Variants in SV2C observed in about 807,000 individuals in gnomAD.
SV2C encodes the protein solute carrier family 22 member B3.
SV2C carries 49 observed loss-of-function variants against 79.7 expected under a neutral mutation model. That is an observed-to-expected ratio of 0.61 (90% CI 0.49 to 0.78). SV2C has a LOEUF of 0.78. Ranked by LOEUF, SV2C falls within the 30% of genes least tolerant of loss-of-function variation. The probability of loss-of-function intolerance (pLI) is 0.00; values close to 1 mark genes in which losing one functional copy is unlikely to be tolerated. For missense variants in SV2C, 833 were observed against 912.9 expected (o/e 0.91, Z 1.13); for synonymous variants, 334 against 333.2 (o/e 1.00, Z -0.03).
At chr5:76,288,077 C>G (rs1321820927) in intron 6 of SV2C, among the ~76,000 whole-genome samples, 1 of 145,264 alleles carries the variant, frequency 6.9e-6, no homozygotes, top group African/African-American at 2.6e-5. Context: ...GAGCACGACT[C>G]CATCTCAAAA....
chr5:76,161,167 T>G (rs1412617617), intron 2 of SV2C, among the ~76,000 whole-genome samples: 1 of 151,928 alleles, frequency 6.6e-6, no homozygotes, highest in Non-Finnish European at 1.5e-5. Context: ...ATGTACACAG[T>G]GGGATATTAC....
chr5:76,050,546 C>T, the SV2C span, among the ~76,000 whole-genome samples: 1 of 152,124 alleles, frequency 6.6e-6, no homozygotes, highest in Non-Finnish European at 1.5e-5. Context: ...CTCATTTGTT[C>T]CTTAGTAATT....
chr5:76,096,700 G>A (rs182647530), intron 1 of SV2C, among the ~76,000 whole-genome samples: 3 of 152,174 alleles, frequency 2.0e-5, no homozygotes, highest in Admixed American at 1.3e-4. Context: ...ATTATTTCTG[G>A]GTTTGTCTGT....
At chr5:76,024,486 GTTAT>G in the SV2C span, among the ~76,000 whole-genome samples, 2 of 152,004 alleles carry the variant, frequency 1.3e-5, no homozygotes, top group South Asian at 2.1e-4. Context: ...CTTTTTATGG[GTTAT>G]TTGTGTTTTT....
chr5:76,341,777 G>A (rs1241780079), intron 12 of SV2C, among the ~76,000 whole-genome samples: 3 of 124,076 alleles, frequency 2.4e-5, no homozygotes, highest in African/African-American at 9.0e-5. Context: ...GCTCCTGGAG[G>A]CAGATCTACA....
At chr5:76,181,098 T>TG (rs1743705663) in intron 2 of SV2C, among the ~76,000 whole-genome samples, 2 of 151,930 alleles carry the variant, frequency 1.3e-5, no homozygotes, top group Non-Finnish European at 2.9e-5. Context: ...CTCTCAGCCA[T>TG]CCCCCTACCT....
chr5:76,188,357 T>C (rs1184405178), intron 2 of SV2C, among the ~76,000 whole-genome samples: 1 of 152,196 alleles, frequency 6.6e-6, no homozygotes, highest in Non-Finnish European at 1.5e-5. Flanking sequence ...CCCTGTGAAG[T>C]AGGTACTGTT....
the SV2C span, among the ~76,000 whole-genome samples, chr5:75,848,647 T>C: frequency 6.6e-6 from 1 of 152,184 alleles, no homozygotes; most frequent in Admixed American, 6.5e-5. Flanking sequence ...TTGCACTGTT[T>C]AGTTCATACC....
rs148421595 is a variant in SV2C, at chr5:76,266,272, A to G, written c.914-18890A>G. ...ACCCAGGCTGGAGTGCAGTGGCACA[A>G]TCTCAGCTCACTGCAACCTCCGCCT... is the stretch of plus-strand genomic sequence containing the variant. On this transcript the variant is annotated intron_variant, in intron 4 of 12. Transcript: ENST00000502798. Among the ~76,000 whole-genome samples the G allele has an allele frequency of 7.3e-3, 1,119 of 152,266 alleles. 18 individuals carry two copies. The highest frequency in any genetic ancestry group is 0.026 in the African/African-American group (1,091 of 41,532).
At chr5:75,910,209 G>T in the SV2C span, 1 of 376,130 alleles carries the variant, frequency 2.7e-6, no homozygotes, top group Non-Finnish European at 5.1e-6. Context: ...GGCTGAAGCA[G>T]GTGGATTGCA....
intron 4 of SV2C, among the ~76,000 whole-genome samples, chr5:76,263,279 TTTTTG>T (rs148143800): frequency 0.11 from 16,198 of 151,700 alleles, 953 homozygotes; most frequent in South Asian, 0.16. Context: ...TTTGTTTTTG[TTTTTG>T]TTTTGTTTTG....
At chr5:76,084,631 T>A (rs1747113195) in intron 1 of SV2C, among the ~76,000 whole-genome samples, 1 of 113,140 alleles carries the variant, frequency 8.8e-6, no homozygotes, top group South Asian at 3.1e-4. Context: ...CGGCCTGAGC[T>A]GGGGGCGCTC....
the SV2C span, among the ~76,000 whole-genome samples, chr5:75,887,769 A>AC: frequency 6.6e-6 from 1 of 151,806 alleles, no homozygotes; most frequent in African/African-American, 2.4e-5. Flanking sequence ...AACAAACAAA[A>AC]CCCCCCAAAA....
Position 76,123,442 on chromosome 5 carries a change from C to G in SV2C, c.-101-8208C>G, listed in dbSNP as rs567375276. On this transcript the variant is annotated intron_variant, in intron 1 of 12. Coordinates refer to ENST00000502798, the MANE Select transcript of SV2C (RefSeq NM_014979.4). The stretch of plus-strand genomic sequence containing the variant: ...ACAACCAAAAAAGAGAATTTTAGAC[C>G]AATATCCTTGATGAACATTGATGCA... Among the ~76,000 whole-genome samples the G allele has an allele frequency of 7.2e-3, 1,091 of 152,232 alleles. 23 individuals are homozygous for G. Among genetic ancestry groups the G allele is most frequent in the Admixed American group, 0.039 (599 of 15,290 alleles).
chr5:76,075,810 G>C, the SV2C span: 2 of 237,166 alleles, frequency 8.4e-6, no homozygotes, highest in African/African-American at 2.3e-5. Context: ...TGGTAGAAAA[G>C]GGGTGAATGA....
intron 1 of SV2C, among the ~76,000 whole-genome samples, chr5:76,093,482 G>A (rs933103167): frequency 2.0e-5 from 3 of 152,182 alleles, no homozygotes; most frequent in African/African-American, 4.8e-5. Flanking sequence ...AAGCAGCTTC[G>A]CTTGTGACCA....
rs188884622 is a variant in SV2C at position 76,098,335 on chromosome 5, G to T, written c.-102+14823G>T. The stretch of plus-strand genomic sequence containing the variant: ...ACCAATCTTTGTCCATAAGCTCAAG[G>T]ATATTATATTTTCCTATTAAATGAA... On this transcript the variant is annotated intron_variant, in intron 1 of 12. Transcript: ENST00000502798. 9.2e-5 allele frequency among the ~76,000 whole-genome samples: 14 copies of T among 152,256 alleles called. 1 individual carries two copies. The highest frequency in any genetic ancestry group is 3.3e-4 in the Admixed American group (5 of 15,298).
the SV2C span, among the ~76,000 whole-genome samples, chr5:75,864,515 T>A: frequency 1.3e-5 from 2 of 152,164 alleles, no homozygotes; most frequent in Non-Finnish European, 2.9e-5. Context: ...ATACTCCTTT[T>A]TCCTGACTGG....
chr5:75,877,521 A>T, the SV2C span, among the ~76,000 whole-genome samples: 1 of 152,016 alleles, frequency 6.6e-6, no homozygotes, highest in Non-Finnish European at 1.5e-5. Flanking sequence ...ATCATTTTTT[A>T]AAAACTTAGT....
Sources: allele counts gnomAD v4.1 joint callset (sites outside exome capture counted in the v4.1 genomes callset), GRCh38; gene constraint gnomAD v4.1.1; transcripts MANE v1.5; gene names NCBI Gene and HGNC (gene_info 2026-07-23, HGNC 2026-07-21).